The following USH2A variants were observed in gnomAD, a reference collection of about 807,000 sequenced individuals.
USH2A encodes usherin, also known as Usher syndrome 2A (autosomal recessive, mild).
USH2A carries 443 observed loss-of-function variants against 538.9 expected under a neutral mutation model. That is an observed-to-expected ratio of 0.82 (90% CI 0.76 to 0.89). The LOEUF (loss-of-function observed/expected upper bound fraction) is 0.89. Among genes scored for constraint, USH2A ranks in the 40% least tolerant of loss-of-function variants. The pLI is 0.00. For synonymous variants in USH2A, 2,413 were observed against 2,273.5 expected, an observed-to-expected ratio of 1.06 and a Z score of -1.75; for missense variants, 6,633 against 6,324.8, an observed-to-expected ratio of 1.05 and a Z score of -1.65.
intron 40 of USH2A, among the ~76,000 whole-genome samples, chr1:215,899,205 T>C (rs892110455): frequency 1.3e-5 from 2 of 152,232 alleles, no homozygotes; most frequent in African/African-American, 4.8e-5. Flanking sequence ...TGTGTTAATA[T>C]CTAGGCTTTT....
chr1:216,189,826 G>C (rs2034679713), intron 20 of USH2A, among the ~76,000 whole-genome samples: 1 of 151,956 alleles, frequency 6.6e-6, no homozygotes, highest in Non-Finnish European at 1.5e-5. Flanking sequence ...GAAGCTTCCT[G>C]ATTGTTTCTC....
At chr1:216,025,369 C>T (rs1668938134) in intron 32 of USH2A, among the ~76,000 whole-genome samples, 1 of 151,828 alleles carries the variant, frequency 6.6e-6, no homozygotes, top group Admixed American at 6.6e-5. Context: ...TTTCTTAGAG[C>T]TTTCATGGTA....
chr1:216,304,652 C>CTATGAAA (rs2037279878), intron 9 of USH2A, among the ~76,000 whole-genome samples: 1 of 151,910 alleles, frequency 6.6e-6, no homozygotes, highest in African/African-American at 2.4e-5. Context: ...GCATTTAATG[C>CTATGAAA]TATGAACTTT....
intron 47 of USH2A, among the ~76,000 whole-genome samples, chr1:215,822,745 C>T (rs1280252848): frequency 2.0e-5 from 3 of 151,912 alleles, no homozygotes; most frequent in South Asian, 2.1e-4. Flanking sequence ...ACAATGTTAG[C>T]CATAGGTTTG....
chr1:216,246,763 A>G lies in USH2A; in HGVS notation c.2631T>C (p.Leu877=), dbSNP rs2102545358. 11 of 1,614,126 alleles carry G rather than the reference A, an allele frequency of 6.8e-6. No individual in the cohort carries two copies. Among genetic ancestry groups the G allele is most frequent in the Non-Finnish European group, 8.5e-6 (10 of 1,179,976 alleles). Residue 877 remains leucine (L), a synonymous_variant, in exon 13 of 72, where the codon CTT becomes CTC. Transcript: ENST00000307340. ...TGTGAGGCTCACACTGATTACAGCG[A>G]AGACCTGTTACCCCTAATTTGCAAG... is the stretch of plus-strand genomic sequence containing the variant. ...QCPCKLGVTG[L]RCNQCEPHRY... is the part of the protein sequence containing the mutation.
intron 32 of USH2A, among the ~76,000 whole-genome samples, chr1:216,017,348 C>T (rs545211728): frequency 4.4e-4 from 67 of 152,282 alleles, no homozygotes; most frequent in African/African-American, 1.6e-3. Flanking sequence ...AGCTTTTGAT[C>T]TTCATCAATG....
At chr1:215,634,321 C>G in intron 70 of USH2A, 138 bp downstream of exon 70, 3 of 1,411,722 alleles carry the variant, frequency 2.1e-6, no homozygotes, top group Non-Finnish European at 3.0e-6. Context: ...GGGTTAGCCT[C>G]TCTTGGTCCC....
chr1:215,733,249 C>T (rs1660058897), intron 60 of USH2A, among the ~76,000 whole-genome samples: 1 of 151,978 alleles, frequency 6.6e-6, no homozygotes, highest in Admixed American at 6.6e-5. Flanking sequence ...CCAGATCTCC[C>T]ATCATGAACA....
chr1:215,735,172 C>T (rs191634694), intron 60 of USH2A, among the ~76,000 whole-genome samples: 2 of 152,162 alleles, frequency 1.3e-5, no homozygotes, highest in Non-Finnish European at 2.9e-5. Flanking sequence ...GTGGCAGGTA[C>T]CCCTCTTCAA....
intron 21 of USH2A, among the ~76,000 whole-genome samples, chr1:216,152,597 T>A (rs2033862052): frequency 6.6e-6 from 1 of 152,180 alleles, no homozygotes. Flanking sequence ...GACTCTCTTT[T>A]CAGACTCAGC....
intron 3 of USH2A, among the ~76,000 whole-genome samples, chr1:216,381,812 A>G (rs2038927645): frequency 1.3e-5 from 2 of 152,180 alleles, no homozygotes; most frequent in Non-Finnish European, 2.9e-5. Flanking sequence ...ATCCAGGCAT[A>G]AATAACCAAA....
At chr1:216,023,469 A>AAAAAAAAAAAAAAAAAAAAC (rs1668890520) in intron 32 of USH2A, among the ~76,000 whole-genome samples, 1 of 148,166 alleles carries the variant, frequency 6.7e-6, no homozygotes, top group African/African-American at 2.5e-5. Context: ...CAAAAAAAAA[A>AAAAAAAAAAAAAAAAAAAAC]AAAAAAAAAA....
chr1:216,212,823 T>C (rs1405099695), intron 15 of USH2A, among the ~76,000 whole-genome samples: 1 of 152,050 alleles, frequency 6.6e-6, no homozygotes, highest in Non-Finnish European at 1.5e-5. Flanking sequence ...CCTTGATTCT[T>C]ACATCCCAAG....
chr1:215,675,595 C>A lies in USH2A; in HGVS notation c.12316G>T (p.Gly4106Trp), dbSNP rs1174206381. 1.2e-6 allele frequency: 2 copies of A among 1,614,054 alleles called. No homozygotes were observed. The highest frequency in any genetic ancestry group is 1.1e-5 in the South Asian group (1 of 91,062). The part of the protein sequence containing the change: ...VIKTYNIFSD[G>W]FLEYSGLNRQ... ...TTCAAACCAGAGTACTCCAGGAACC[C>A]GTCACTGAAGATGTTGTATGTCTAC... Residue 4106 changes from glycine to tryptophan, a missense_variant, in exon 63 of 72, where the codon GGG becomes TGG. Physicochemically the swap from Gly to Trp is radical, Grantham distance 184 (BLOSUM62 -2). Coordinates refer to ENST00000307340, the MANE Select transcript of USH2A (RefSeq NM_206933.4).
At chr1:216,273,385 AG>A (rs1354421655) in intron 11 of USH2A, among the ~76,000 whole-genome samples, 1 of 152,024 alleles carries the variant, frequency 6.6e-6, no homozygotes, top group Non-Finnish European at 1.5e-5. Context: ...CCCCACACTG[AG>A]GAGAAATCAT....
intron 51 of USH2A, 141 bp downstream of exon 51, chr1:215,789,918 C>A: frequency 1.3e-6 from 1 of 742,382 alleles, no homozygotes; most frequent in Non-Finnish European, 2.2e-6. Context: ...CGAACTCATT[C>A]GGTATTAATA....
chr1:216,228,967 T>C (rs181063761), intron 14 of USH2A, among the ~76,000 whole-genome samples: 57 of 151,734 alleles, frequency 3.8e-4, no homozygotes, highest in Admixed American at 3.3e-3. Flanking sequence ...AGTTCAGGAG[T>C]CTAAGACCAG....
At chr1:215,921,110 T>C (rs1257510847) in intron 38 of USH2A, among the ~76,000 whole-genome samples, 1 of 152,092 alleles carries the variant, frequency 6.6e-6, no homozygotes, top group Non-Finnish European at 1.5e-5. Context: ...TGTTAATTTT[T>C]CAAAATTAAC....
intron 64 of USH2A, among the ~76,000 whole-genome samples, chr1:215,670,719 A>C (rs529010946): frequency 6.6e-6 from 1 of 152,354 alleles, no homozygotes; most frequent in East Asian, 1.9e-4. Flanking sequence ...TTTACTAATA[A>C]GAAATGCAAA....
Sources: allele counts gnomAD v4.1 joint callset (sites outside exome capture counted in the v4.1 genomes callset), GRCh38; gene constraint gnomAD v4.1.1; transcripts MANE v1.5; gene names NCBI Gene and HGNC (gene_info 2026-07-23, HGNC 2026-07-21).